The following NUFIP1 variants were observed in gnomAD, a reference collection of about 807,000 sequenced individuals.
NUFIP1 encodes FMR1-interacting protein NUFIP1.
NUFIP1 carries 38 observed loss-of-function variants against 56.2 expected under a neutral mutation model. The observed-to-expected ratio is 0.68, with a 90% CI of 0.52 to 0.89. NUFIP1 has a LOEUF of 0.89. Among genes scored for constraint, NUFIP1 ranks in the 40% least tolerant of loss-of-function variants. NUFIP1 has a pLI of 0.00. For synonymous variants in NUFIP1, 215 were observed against 212.4 expected (o/e 1.01, Z -0.10); for missense variants, 567 against 605.8 (o/e 0.94, Z 0.67).
chr13:44,981,235 AAAG>A (rs1203673234), intron 2 of NUFIP1, among the ~76,000 whole-genome samples: 1 of 152,178 alleles, frequency 6.6e-6, no homozygotes, highest in African/African-American at 2.4e-5. Context: ...TCCACTTATA[AAAG>A]GATTTTTTTC....
chr13:44,969,856 T>C (rs1871743506), intron 5 of NUFIP1, among the ~76,000 whole-genome samples: 2 of 152,182 alleles, frequency 1.3e-5, no homozygotes, highest in Non-Finnish European at 2.9e-5. Context: ...GCCTGTTCTA[T>C]AAAACATAGT....
rs765610470 is a variant in NUFIP1 at position 44,979,150 on chromosome 13, C to T, written c.734+40G>A. 6.8e-6 allele frequency: 10 copies of T among 1,473,144 alleles called. No homozygotes were observed. In the East Asian group the frequency reaches 2.0e-4, roughly 30 times the overall value. The allele number at this position is 1,473,144 out of a possible 1,614,324, so 91.3% of individuals were successfully genotyped here. A position where few individuals can be genotyped will look rare whatever the true frequency, so the allele number is the denominator to read the frequency against. On this transcript the variant is annotated intron_variant, in intron 5 of 9. Transcript: ENST00000379161. ...TTAACTACATTAATAAGCCTTGTCA[C>T]AGTAAAACAGTTATTTCACCAGTTC...
chr13:44,983,627 T>C (rs773244860), intron 1 of NUFIP1, among the ~76,000 whole-genome samples: 1 of 152,054 alleles, frequency 6.6e-6, no homozygotes, highest in Non-Finnish European at 1.5e-5. Flanking sequence ...CGAAACTCTG[T>C]CTCTACAAAA....
chr13:44,971,188 C>G (rs1235671340), intron 5 of NUFIP1, among the ~76,000 whole-genome samples: 1 of 152,084 alleles, frequency 6.6e-6, no homozygotes, highest in Non-Finnish European at 1.5e-5. Flanking sequence ...ACCCAGTGCC[C>G]AAAGAATTTT....
intron 9 of NUFIP1, 66 bp downstream of exon 9, chr13:44,943,376 A>ACACC (rs1870810501): frequency 1.5e-6 from 2 of 1,301,784 alleles, no homozygotes; most frequent in African/African-American, 1.5e-5. Flanking sequence ...ACACACACAC[A>ACACC]CCCCAGTGGC....
intron 5 of NUFIP1, 43 bp from the exon 6 acceptor site, chr13:44,965,979 A>C (rs1284233293): frequency 5.9e-6 from 7 of 1,187,436 alleles, no homozygotes; most frequent in Non-Finnish European, 8.2e-6. Context: ...CTTTTAGAGT[A>C]CAATTTTAAA....
At chr13:44,959,693 T>C in intron 6 of NUFIP1, 119 bp from the exon 7 acceptor site, 5 of 757,042 alleles carry the variant, frequency 6.6e-6, no homozygotes, top group South Asian at 3.9e-5. Context: ...TGTAGCCTAG[T>C]ACATTAAAGA....
intron 7 of NUFIP1, among the ~76,000 whole-genome samples, chr13:44,953,573 T>C (rs571541327): frequency 6.6e-6 from 1 of 152,350 alleles, no homozygotes; most frequent in South Asian, 2.1e-4. Context: ...TTATTTATTT[T>C]GTGGCACCAA....
At chr13:44,976,827 G>C (rs151098249) in intron 5 of NUFIP1, among the ~76,000 whole-genome samples, 1 of 152,210 alleles carries the variant, frequency 6.6e-6, no homozygotes. Flanking sequence ...GGGGCTCACA[G>C]GAGACAGGCA....
chr13:44,958,363 C>G (rs1049737254), intron 7 of NUFIP1, among the ~76,000 whole-genome samples: 7 of 152,160 alleles, frequency 4.6e-5, no homozygotes, highest in Non-Finnish European at 8.8e-5. Context: ...AAAAGGCTGT[C>G]ATAAGAAGAC....
intron 7 of NUFIP1, among the ~76,000 whole-genome samples, chr13:44,953,771 T>C (rs1393659805): frequency 6.6e-6 from 1 of 152,172 alleles, no homozygotes; most frequent in South Asian, 2.1e-4. Flanking sequence ...ACCTGGAGAA[T>C]AGTATTTGGA....
intron 7 of NUFIP1, among the ~76,000 whole-genome samples, chr13:44,955,397 T>C (rs924061149): frequency 2.0e-5 from 3 of 152,140 alleles, no homozygotes; most frequent in Non-Finnish European, 4.4e-5. Context: ...ACCCAGGCAA[T>C]GATTTTCCAA....
intron 5 of NUFIP1, among the ~76,000 whole-genome samples, chr13:44,972,037 T>C (rs745313663): frequency 7.2e-5 from 11 of 152,212 alleles, no homozygotes; most frequent in Non-Finnish European, 1.2e-4. Context: ...TCTCCTTTTA[T>C]CTGAATACTT....
chr13:44,946,566 TG>T (rs1206419737), intron 8 of NUFIP1, among the ~76,000 whole-genome samples: 1 of 152,214 alleles, frequency 6.6e-6, no homozygotes, highest in African/African-American at 2.4e-5. Flanking sequence ...CAGACCCTGA[TG>T]TGAGTATTAC....
At chr13:44,947,821 C>T (rs1359973218) in intron 8 of NUFIP1, among the ~76,000 whole-genome samples, 1 of 152,132 alleles carries the variant, frequency 6.6e-6, no homozygotes, top group African/African-American at 2.4e-5. Flanking sequence ...TCCATCTTCA[C>T]ACCAATGTAT....
At position 44,939,451 on chromosome 13, in the gene NUFIP1, A is replaced by G. The variant is rs1323011619; in HGVS notation, c.*1755T>C. 6.6e-6 allele frequency: 1 copy of G among 152,232 alleles called. No individual in the cohort carries two copies. The highest frequency in any genetic ancestry group is 6.5e-5 in the Admixed American group (1 of 15,290). The allele number at this position is 152,232 out of a possible 1,614,324, so 9.4% of individuals were successfully genotyped here. A position where few individuals can be genotyped will look rare whatever the true frequency, so the allele number is the denominator to read the frequency against. On this transcript the variant is annotated 3_prime_UTR_variant, in exon 10 of 10. Coordinates refer to ENST00000379161, the MANE Select transcript of NUFIP1 (RefSeq NM_012345.3). Reference sequence around the variant, plus strand: ...TAAACGAACAATAAGATAGGAATGTAGAAGGCAGAAAGTTTGAACAATTAA... The same window carrying G: ...TAAACGAACAATAAGATAGGAATGTGGAAGGCAGAAAGTTTGAACAATTAA...
In NUFIP1 at chr13:44,939,307, T is replaced by C. The variant is rs1870652829; in HGVS notation, c.*1899A>G. The stretch of plus-strand genomic sequence containing the variant: ...ATAAATGTATTAAATTTCCCAGAGC[T>C]GGTTTGATTAAGGAAAATAGAAGTC... On this transcript the variant is annotated 3_prime_UTR_variant, in exon 10 of 10. Transcript: ENST00000379161. 6.6e-6 allele frequency: 1 copy of C among 152,200 alleles called. No homozygotes were observed. The highest frequency in any genetic ancestry group is 1.5e-5 in the Non-Finnish European group (1 of 68,032). 9.4% of individuals were successfully genotyped at this position (152,200 alleles called of 1,614,324 possible). A position where few individuals can be genotyped will look rare whatever the true frequency, so the allele number is the denominator to read the frequency against.
chr13:44,958,053 A>G (rs1871301917), intron 7 of NUFIP1, among the ~76,000 whole-genome samples: 1 of 152,228 alleles, frequency 6.6e-6, no homozygotes, highest in African/African-American at 2.4e-5. Flanking sequence ...TACACTCAGC[A>G]CTGGCTCAAA....
chr13:44,958,014 AAAAC>A (rs1871300717), intron 7 of NUFIP1, among the ~76,000 whole-genome samples: 2 of 152,218 alleles, frequency 1.3e-5, no homozygotes, highest in South Asian at 2.1e-4. Flanking sequence ...TTTTTGAAAG[AAAAC>A]AAACAAAAAA....
Sources: allele counts gnomAD v4.1 joint callset (sites outside exome capture counted in the v4.1 genomes callset), GRCh38; gene constraint gnomAD v4.1.1; transcripts MANE v1.5; gene names NCBI Gene and HGNC (gene_info 2026-07-23, HGNC 2026-07-21).